The following SOX9 variants were observed in gnomAD, a reference collection of about 807,000 sequenced individuals.
The protein encoded by SOX9 is SRY-box transcription factor 9, also known as transcription factor SOX-9.
A neutral mutation model predicts 44.8 loss-of-function variants in SOX9; 2 were observed. The observed-to-expected ratio is 0.04, with a 90% CI of 0.02 to 0.14. The LOEUF is 0.14. Ranked by LOEUF, SOX9 falls within the 10% of genes least tolerant of loss-of-function variation. The pLI, the probability that SOX9 is intolerant of heterozygous loss-of-function variation, is 1.00. For missense variants in SOX9, 583 were observed against 728.6 expected, an observed-to-expected ratio of 0.80 and a Z score of 2.30; for synonymous variants, 381 against 331.8, an observed-to-expected ratio of 1.15 and a Z score of -1.61.
chr17:72,121,319 C>A lies in SOX9; in HGVS notation c.-73C>A, dbSNP rs11555395. 7.2e-7 allele frequency: 1 copy of A among 1,385,366 alleles called. No homozygotes were observed. Among genetic ancestry groups the A allele is most frequent in the Non-Finnish European group, 1.0e-6 (1 of 982,666 alleles). 85.8% of individuals were successfully genotyped at this position (1,385,366 alleles called of 1,614,324 possible). On this transcript the variant is annotated 5_prime_UTR_variant, in exon 1 of 3. Coordinates refer to ENST00000245479, the MANE Select transcript of SOX9 (RefSeq NM_000346.4). The surrounding 1 kb of genome is among the most constrained non-coding windows in gnomAD (Gnocchi z 8.3). ...CCGGGCAGCCGAGGGGAGAGGAGCC[C>A]GCGCCTCGAGTCCCCGAGCCGCCGC...
Position 72,121,879 on chromosome 17 carries a change from G to T in SOX9, c.431+57G>T. ...GGGCATCGCGGCGGCTGGGGGCGCT[G>T]GTCAGGGCTGATTTGCCCCGCCCCG... On this transcript the variant is annotated intron_variant, in intron 1 of 2. Transcript: ENST00000245479. The surrounding 1 kb of genome is among the most constrained non-coding windows in gnomAD (Gnocchi z 8.3). The T allele has an allele frequency of 6.7e-7, 1 of 1,484,760 alleles. No individual in the cohort carries two copies. Among genetic ancestry groups the T allele is most frequent in the Non-Finnish European group, 8.9e-7 (1 of 1,118,656 alleles). 92.0% of individuals were successfully genotyped at this position (1,484,760 alleles called of 1,614,324 possible).
chr17:72,121,026 C>G lies in SOX9; in HGVS notation c.-366C>G. 1.9e-6 allele frequency: 1 copy of G among 525,050 alleles called. No individual in the cohort carries two copies. Among genetic ancestry groups the G allele is most frequent in the East Asian group, 3.2e-5 (1 of 31,234 alleles). 32.5% of individuals were successfully genotyped at this position (525,050 alleles called of 1,614,324 possible). ...AGACCCTGGGCTGGGAGTTGGAGAG[C>G]CGAAAGCGGAGCTCGAAACTGACTG... On this transcript the variant is annotated 5_prime_UTR_variant, in exon 1 of 3. Coordinates refer to ENST00000245479, the MANE Select transcript of SOX9 (RefSeq NM_000346.4). The surrounding 1 kb of genome is among the most constrained non-coding windows in gnomAD (Gnocchi z 8.3).
In SOX9 at chr17:72,123,413, C is replaced by T. The variant is rs1032537335; in HGVS notation, c.686-130C>T. ...TGGGCGACTTATCTCCGGTGCAGCGCGCCTCTTGCGCGGGTGCGGGCCCTT... is the reference window on the plus strand; with the variant it reads ...TGGGCGACTTATCTCCGGTGCAGCGTGCCTCTTGCGCGGGTGCGGGCCCTT... On this transcript the variant is annotated intron_variant, in intron 2 of 2. Transcript: ENST00000245479. This position sits in a 1 kb window ranked among gnomAD's most constrained non-coding sequence, Gnocchi z 6.5. 10 of 1,260,510 alleles carry T rather than the reference C, an allele frequency of 7.9e-6. No homozygotes were observed. The highest frequency in any genetic ancestry group is 1.1e-5 in the Non-Finnish European group (10 of 876,340). 78.1% of individuals were successfully genotyped at this position (1,260,510 alleles called of 1,614,324 possible). A position where few individuals can be genotyped will look rare whatever the true frequency, so the allele number is the denominator to read the frequency against.
At position 72,124,107 on chromosome 17, in the gene SOX9, A is replaced by G. The variant is rs1347733578; in HGVS notation, c.1250A>G (p.Gln417Arg). 6.2e-7 allele frequency: 1 copy of G among 1,613,734 alleles called. No homozygotes were observed. Among genetic ancestry groups the G allele is most frequent in the Non-Finnish European group, 8.5e-7 (1 of 1,179,974 alleles). ...GAGCAGCAGCAGCACTCGCCCCAAC[A>G]GATCGCCTACAGCCCCTTCAACCTC... ...YSEQQQHSPQQIAYSPFNLPH... is the reference protein window; with the variant it reads ...YSEQQQHSPQRIAYSPFNLPH... Residue 417 changes from glutamine to arginine, a missense_variant, in exon 3 of 3, where the codon CAG becomes CGG. Physicochemically the swap from Gln to Arg is conservative, Grantham distance 43. Coordinates refer to ENST00000245479, the MANE Select transcript of SOX9 (RefSeq NM_000346.4). This position sits in a 1 kb window ranked among gnomAD's most constrained non-coding sequence, Gnocchi z 4.6.
At position 72,121,407 on chromosome 17, in the gene SOX9, C is replaced by T. The variant is rs866679165; in HGVS notation, c.16C>T (p.Pro6Ser). Residue 6 changes from proline to serine, a missense_variant, in exon 1 of 3, where the codon CCC becomes TCC. By Grantham distance (74) the Pro-to-Ser change is moderately conservative. Around this residue, in one of 7 missense-constraint regions of SOX9, gnomAD observed 101 missense variants for 98.6 expected, o/e 1.02. Coordinates refer to ENST00000245479, the MANE Select transcript of SOX9 (RefSeq NM_000346.4). The surrounding 1 kb of genome is among the most constrained non-coding windows in gnomAD (Gnocchi z 8.3). The part of the protein sequence containing the change: MNLLD[P>S]FMKMTDEQEK... ...GGGCCCGCGTATGAATCTCCTGGAC[C>T]CCTTCATGAAGATGACCGACGAGCA... 30 of 1,612,586 alleles carry T rather than the reference C, an allele frequency of 1.9e-5. No individual in the cohort carries two copies. The Admixed American group carries it at 3.3e-4, about 18-fold the overall frequency.
rs878962452 is a variant in SOX9 at position 72,126,086 on chromosome 17, CTTTT to C, written c.*1706_*1709del. ...ATTGCTTTTTAAAAAAGACAGCAAA[CTTTT>C]TTTTTTATTTAAAAAAAGATATATT... On this transcript the variant is annotated 3_prime_UTR_variant, in exon 3 of 3. Coordinates refer to ENST00000245479, the MANE Select transcript of SOX9 (RefSeq NM_000346.4). 2 of 219,178 alleles carry C rather than the reference CTTTT, an allele frequency of 9.1e-6. No individual in the cohort carries two copies. Among genetic ancestry groups the C allele is most frequent in the Non-Finnish European group, 1.8e-5 (2 of 110,052 alleles). The allele number at this position is 219,178 out of a possible 1,614,324, so 13.6% of individuals were successfully genotyped here.
rs929378791 is a variant in SOX9, at chr17:72,123,262, TC to T, written c.686-276del. Among the ~76,000 whole-genome samples, 43 of 151,990 alleles carry T rather than the reference TC, an allele frequency of 2.8e-4. No homozygotes were observed. Among genetic ancestry groups the T allele is most frequent in the African/African-American group, 1.0e-3 (42 of 41,368 alleles). On this transcript the variant is annotated intron_variant, in intron 2 of 2. Transcript: ENST00000245479. The surrounding 1 kb of genome is among the most constrained non-coding windows in gnomAD (Gnocchi z 6.5). ...ACAAGACCTCTCCCTTCTTCTCTGC[TC>T]CCCCACCCCAAAAGCACACACAGGG... is the stretch of plus-strand genomic sequence containing the variant.
At position 72,123,106 on chromosome 17, in the gene SOX9, C is replaced by G. The variant is rs1389873393; in HGVS notation, c.685+134C>G. On this transcript the variant is annotated intron_variant, in intron 2 of 2. Transcript: ENST00000245479. The surrounding 1 kb of genome is among the most constrained non-coding windows in gnomAD (Gnocchi z 6.5). ...GACACACTGCCCTTTGCGCCCGTCC[C>G]GCTCCCCTCTCTACCCAGAGCCTAA... 7.6e-6 allele frequency: 8 copies of G among 1,053,520 alleles called. No homozygotes were observed. The highest frequency in any genetic ancestry group is 1.1e-5 in the Non-Finnish European group (8 of 715,312). 65.3% of individuals were successfully genotyped at this position (1,053,520 alleles called of 1,614,324 possible).
rs2143246662 is a variant in SOX9 at position 72,122,888 on chromosome 17, A to C, written c.601A>C (p.Asn201His). The change falls in exon 2 of 3, where the codon AAC (asparagine) becomes CAC (histidine). Residue 201 changes from asparagine to histidine, a missense_variant. Transcript: ENST00000245479. Reference sequence around the variant, plus strand: ...CACGGAGCAGACGCACATCTCCCCCAACGCCATCTTCAAGGCGCTGCAGGC... The same window carrying C: ...CACGGAGCAGACGCACATCTCCCCCCACGCCATCTTCAAGGCGCTGCAGGC... ...EATEQTHISP[N>H]AIFKALQADS... 1.2e-6 allele frequency: 2 copies of C among 1,614,074 alleles called. No individual in the cohort carries two copies. The highest frequency in any genetic ancestry group is 1.7e-6 in the Non-Finnish European group (2 of 1,179,994).
At position 72,121,253 on chromosome 17, in the gene SOX9, G is replaced by A. The variant is rs898983510; in HGVS notation, c.-139G>A. 4 of 762,826 alleles carry A rather than the reference G, an allele frequency of 5.2e-6. No individual in the cohort carries two copies. In the African/African-American group the frequency reaches 7.0e-5, roughly 13 times the overall value. The allele number at this position is 762,826 out of a possible 1,614,324, so 47.3% of individuals were successfully genotyped here. On this transcript the variant is annotated 5_prime_UTR_variant, in exon 1 of 3. Transcript: ENST00000245479. This position sits in a 1 kb window ranked among gnomAD's most constrained non-coding sequence, Gnocchi z 8.3. ...TTCCTAAGTGCTCGCCGCGGTAGCC[G>A]GCCGACGCGCCAGCTTCCCCGGGAG... is the stretch of plus-strand genomic sequence containing the variant.
rs1268413944 is a variant in SOX9 at position 72,121,246 on chromosome 17, G to C, written c.-146G>C. Reference sequence around the variant, plus strand: ...CCGCGCCTTCCTAAGTGCTCGCCGCGGTAGCCGGCCGACGCGCCAGCTTCC... The same window carrying C: ...CCGCGCCTTCCTAAGTGCTCGCCGCCGTAGCCGGCCGACGCGCCAGCTTCC... On this transcript the variant is annotated 5_prime_UTR_variant, in exon 1 of 3. Coordinates refer to ENST00000245479, the MANE Select transcript of SOX9 (RefSeq NM_000346.4). The surrounding 1 kb of genome is among the most constrained non-coding windows in gnomAD (Gnocchi z 8.3). The C allele has an allele frequency of 2.8e-5, 20 of 724,600 alleles. No individual in the cohort carries two copies. The highest frequency in any genetic ancestry group is 4.1e-5 in the Non-Finnish European group (18 of 435,888). The allele number at this position is 724,600 out of a possible 1,614,324, so 44.9% of individuals were successfully genotyped here.
chr17:72,123,715 C>T lies in SOX9; in HGVS notation c.858C>T (p.Ile286=), dbSNP rs149355998. The change falls in exon 3 of 3, where the codon ATC becomes ATT. Residue 286 remains isoleucine, a synonymous_variant. Coordinates refer to ENST00000245479, the MANE Select transcript of SOX9 (RefSeq NM_000346.4). This position sits in a 1 kb window ranked among gnomAD's most constrained non-coding sequence, Gnocchi z 6.5. ...GELSSDVISN[I]ETFDVNEFDQ... is the part of the protein sequence containing the mutation. ...TGAGCAGCGACGTCATCTCCAACAT[C>T]GAGACCTTCGATGTCAACGAGTTTG... The T allele has an allele frequency of 1.9e-6, 3 of 1,614,014 alleles. No individual in the cohort carries two copies. Among genetic ancestry groups the T allele is most frequent in the Admixed American group, 3.3e-5 (2 of 60,032 alleles).
Position 72,125,553 on chromosome 17 carries a change from T to TA in SOX9, c.*1166_*1167insA. ...GGTTTTAATTAAAACAAAAAAAAAT[T>TA]CTTTTTTTTTTTTTTTTCCAATTTT... On this transcript the variant is annotated 3_prime_UTR_variant, in exon 3 of 3. Transcript: ENST00000245479. 1 of 205,664 alleles carries TA rather than the reference T, an allele frequency of 4.9e-6. No homozygotes were observed. Among genetic ancestry groups the TA allele is most frequent in the East Asian group, 6.6e-5 (1 of 15,100 alleles). 12.7% of individuals were successfully genotyped at this position (205,664 alleles called of 1,614,324 possible).
In SOX9 at chr17:72,125,077, CTT is replaced by C. The variant is rs1908241565; in HGVS notation, c.*692_*693del. 1 of 224,960 alleles carries C rather than the reference CTT, an allele frequency of 4.4e-6. No homozygotes were observed. 13.9% of individuals were successfully genotyped at this position (224,960 alleles called of 1,614,324 possible). A position where few individuals can be genotyped will look rare whatever the true frequency, so the allele number is the denominator to read the frequency against. On this transcript the variant is annotated 3_prime_UTR_variant, in exon 3 of 3. Transcript: ENST00000245479. ...TTATGTGATCAGTTTTGGGGGTTAA[CTT>C]TGCTTAATTCCTCAGGCTTTGCGAT...
At position 72,124,481 on chromosome 17, in the gene SOX9, G is replaced by GT. The variant is rs999630366; in HGVS notation, c.*101dup. 70 of 1,427,808 alleles carry GT rather than the reference G, an allele frequency of 4.9e-5. No homozygotes were observed. In the African/African-American group the frequency reaches 5.7e-4, roughly 12 times the overall value. The allele number at this position is 1,427,808 out of a possible 1,614,324, so 88.4% of individuals were successfully genotyped here. On this transcript the variant is annotated 3_prime_UTR_variant, in exon 3 of 3. Transcript: ENST00000245479. The surrounding 1 kb of genome is among the most constrained non-coding windows in gnomAD (Gnocchi z 4.6). ...ACCAGAATTCCCTTTGGACATTTGT[G>GT]TTTTTTTGTTTTTTTATTTTGTTTT...
At position 72,121,216 on chromosome 17, in the gene SOX9, C is replaced by A; in HGVS notation, c.-176C>A. 3 of 626,908 alleles carry A rather than the reference C, an allele frequency of 4.8e-6. No homozygotes were observed. The highest frequency in any genetic ancestry group is 8.4e-6 in the Non-Finnish European group (3 of 357,000). The allele number at this position is 626,908 out of a possible 1,614,324, so 38.8% of individuals were successfully genotyped here. On this transcript the variant is annotated 5_prime_UTR_variant, in exon 1 of 3. Transcript: ENST00000245479. This position sits in a 1 kb window ranked among gnomAD's most constrained non-coding sequence, Gnocchi z 8.3. Reference sequence around the variant, plus strand: ...CTTGGAGCGGGCAGCTGTGAACTGGCCACCCCGCGCCTTCCTAAGTGCTCG... The same window carrying A: ...CTTGGAGCGGGCAGCTGTGAACTGGACACCCCGCGCCTTCCTAAGTGCTCG...
chr17:72,121,827 G>A lies in SOX9; in HGVS notation c.431+5G>A, dbSNP rs1485190164. ...GACGCTGGGCAAGCTCTGGAGGTAG[G>A]ACCCGGCGGGGGCGGCGCGGCAGGG... On this transcript the variant is annotated splice_donor_5th_base_variant and intron_variant, in intron 1 of 2. Transcript: ENST00000245479. The surrounding 1 kb of genome is among the most constrained non-coding windows in gnomAD (Gnocchi z 8.3). 1.3e-6 allele frequency: 2 copies of A among 1,562,900 alleles called. No individual in the cohort carries two copies. Among genetic ancestry groups the A allele is most frequent in the Non-Finnish European group, 8.7e-7 (1 of 1,154,514 alleles).
In SOX9 at chr17:72,125,190, G is replaced by A. The variant is rs1908245003; in HGVS notation, c.*803G>A. On this transcript the variant is annotated 3_prime_UTR_variant, in exon 3 of 3. Transcript: ENST00000245479. ...AATAGTCTAGAGAAGCATTTGGTAA[G>A]CTTTATCATATATATATTTTTTAAA... The A allele has an allele frequency of 4.4e-6, 1 of 227,306 alleles. No individual in the cohort carries two copies. The highest frequency in any genetic ancestry group is 2.2e-5 in the African/African-American group (1 of 44,968). 14.1% of individuals were successfully genotyped at this position (227,306 alleles called of 1,614,324 possible).
In SOX9 at chr17:72,123,007, C is replaced by A; in HGVS notation, c.685+35C>A. 6.2e-7 allele frequency: 1 copy of A among 1,607,304 alleles called. No homozygotes were observed. The highest frequency in any genetic ancestry group is 8.5e-7 in the Non-Finnish European group (1 of 1,179,418). ...CCCTCGACCCCACCGGACAAGCTAT[C>A]TCCGTCCCGCCTGGCACACCCCCTG... is the stretch of plus-strand genomic sequence containing the variant. On this transcript the variant is annotated intron_variant, in intron 2 of 2. Transcript: ENST00000245479. The surrounding 1 kb of genome is among the most constrained non-coding windows in gnomAD (Gnocchi z 6.5).
Sources: gnomAD v4.1 joint callset for allele counts (sites outside exome capture counted in the v4.1 genomes callset) on GRCh38, gnomAD v4.1.1 for gene constraint, gnomAD v4.1.1 regional missense constraint, Gnocchi (gnomAD v3.1) non-coding constraint, MANE v1.5 for transcripts, NCBI Gene and HGNC (gene_info 2026-07-23, HGNC 2026-07-21) for gene names.